PPARD: variants seen among roughly 807,000 people sequenced by gnomAD.
PPARD encodes the protein peroxisome proliferator activated receptor delta.
A neutral mutation model predicts 39.5 loss-of-function variants in PPARD; 6 were observed. The ratio of observed to expected loss-of-function variants is 0.15; its 90% confidence interval spans 0.08 to 0.30. PPARD has a LOEUF of 0.30. Among genes scored for constraint, PPARD ranks in the 10% least tolerant of loss-of-function variants. PPARD has a pLI of 1.00. For missense variants in PPARD, 397 were observed against 596.8 expected (o/e 0.67, Z 3.49); for synonymous variants, 210 against 231.3 (o/e 0.91, Z 0.83).
intron 2 of PPARD, among the ~76,000 whole-genome samples, chr6:35,386,514 C>T (rs934258594): frequency 6.7e-6 from 1 of 150,234 alleles, no homozygotes; most frequent in Non-Finnish European, 1.5e-5. Flanking sequence ...CAAACAAATA[C>T]TTGGTTCATT....
intron 1 of PPARD, among the ~76,000 whole-genome samples, chr6:35,344,451 T>G (rs1390991054): frequency 6.6e-6 from 1 of 151,944 alleles, no homozygotes; most frequent in Non-Finnish European, 1.5e-5. Flanking sequence ...ACCTTCCATG[T>G]GTGTCTGGAT....
chr6:35,364,362 C>T (rs1217601390), intron 2 of PPARD, among the ~76,000 whole-genome samples: 2 of 151,282 alleles, frequency 1.3e-5, no homozygotes, highest in African/African-American at 4.9e-5. Flanking sequence ...TTTGTGTGGA[C>T]ATATGCTTTA....
At chr6:35,397,483 G>A in intron 2 of PPARD, 1 of 961,278 alleles carries the variant, frequency 1.0e-6, no homozygotes, top group Non-Finnish European at 1.2e-6. Context: ...ATCTTGATAA[G>A]CTCCTCCTTT....
intron 2 of PPARD, among the ~76,000 whole-genome samples, chr6:35,349,390 G>T (rs1231404200): frequency 6.6e-6 from 1 of 152,084 alleles, no homozygotes; most frequent in Non-Finnish European, 1.5e-5. Context: ...CAATCTTTTG[G>T]CATCCCTGGG....
At position 35,347,168 on chromosome 6, in the gene PPARD, A is replaced by T. The variant is rs1276668344; in HGVS notation, c.-102+18A>T. On this transcript the variant is annotated intron_variant, in intron 2 of 7. Coordinates refer to ENST00000360694, the MANE Select transcript of PPARD (RefSeq NM_006238.5). ...CCAACGAGGTAATCCCATTTTCTTT[A>T]CTCAGGGGTCTCTGACCACCACTGA... 1 of 1,535,542 alleles carries T rather than the reference A, an allele frequency of 6.5e-7. No individual in the cohort carries two copies. The highest frequency in any genetic ancestry group is 8.7e-7 in the Non-Finnish European group (1 of 1,146,600).
At chr6:35,393,928 T>A (rs1314367600) in intron 2 of PPARD, among the ~76,000 whole-genome samples, 13 of 152,168 alleles carry the variant, frequency 8.5e-5, no homozygotes. Flanking sequence ...GCAGGAGAGC[T>A]TTGCTTCTTT....
chr6:35,355,360 T>C (rs901584031), intron 2 of PPARD, among the ~76,000 whole-genome samples: 7 of 151,776 alleles, frequency 4.6e-5, no homozygotes, highest in Admixed American at 3.9e-4. Flanking sequence ...AAGACCAGCC[T>C]GGGCAACATG....
At chr6:35,408,081 G>T (rs1765173128) in intron 2 of PPARD, among the ~76,000 whole-genome samples, 1 of 152,210 alleles carries the variant, frequency 6.6e-6, no homozygotes, top group Admixed American at 6.5e-5. Flanking sequence ...GGAGGCCACA[G>T]TGGCCAGGTG....
intron 2 of PPARD, among the ~76,000 whole-genome samples, chr6:35,355,168 G>A (rs1025268783): frequency 6.6e-6 from 1 of 152,100 alleles, no homozygotes; most frequent in East Asian, 1.9e-4. Context: ...TCAGGGGAGT[G>A]CGTTGCAGCA....
intron 2 of PPARD, among the ~76,000 whole-genome samples, chr6:35,385,383 C>T (rs1192840522): frequency 2.0e-5 from 3 of 148,360 alleles, no homozygotes; most frequent in Admixed American, 6.7e-5. Context: ...CAGGGTTAAA[C>T]GGATTAAGGG....
intron 2 of PPARD, among the ~76,000 whole-genome samples, chr6:35,389,132 C>T (rs928028962): frequency 1.5e-4 from 23 of 152,162 alleles, no homozygotes; most frequent in African/African-American, 5.3e-4. Flanking sequence ...GAGCTGTGAT[C>T]AGGCCACCAC....
rs1766182724 is a variant in PPARD at position 35,421,704 on chromosome 6, C to T, written c.286-116C>T. 3 of 1,173,104 alleles carry T rather than the reference C, an allele frequency of 2.6e-6. No individual in the cohort carries two copies. The South Asian group carries it at 5.8e-5, about 23-fold the overall frequency. The allele number at this position is 1,173,104 out of a possible 1,614,324, so 72.7% of individuals were successfully genotyped here. On this transcript the variant is annotated intron_variant, in intron 4 of 7. Transcript: ENST00000360694. The stretch of plus-strand genomic sequence containing the variant: ...CTCCATCTCCCCTCCAAAAAAATTT[C>T]TTCTCGTTACTTCCAAATGTCAGGA...
In PPARD at chr6:35,366,849, C is replaced by T. The variant is rs1762232177; in HGVS notation, c.-102+19699C>T. On this transcript the variant is annotated intron_variant, in intron 2 of 7. Transcript: ENST00000360694. This position sits in a 1 kb window ranked among gnomAD's most constrained non-coding sequence, Gnocchi z 4.6. ...ATGGGCGTGAGCCGCTGCATCCGGCCTCTGTATTAAATACTTTAGCTGCAT... is the reference window on the plus strand; with the variant it reads ...ATGGGCGTGAGCCGCTGCATCCGGCTTCTGTATTAAATACTTTAGCTGCAT... Among the ~76,000 whole-genome samples, 1 of 152,216 alleles carries T rather than the reference C, an allele frequency of 6.6e-6. No individual in the cohort carries two copies. The highest frequency in any genetic ancestry group is 1.5e-5 in the Non-Finnish European group (1 of 68,050).
chr6:35,411,127 G>A lies in PPARD; in HGVS notation c.40G>A (p.Glu14Lys), dbSNP rs753619039. ...PQEEAPEVRE[E>K]EEKEEVAEAE... ...GGAGGAAGCCCCTGAGGTCCGGGAA[G>A]AGGAGGAGAAAGAGGAAGTGGCAGA... Residue 14 changes from glutamate to lysine, a missense_variant, in exon 3 of 8, where the codon GAG becomes AAG. Glu to Lys is a moderately conservative substitution (Grantham distance 56). Transcript: ENST00000360694. The A allele has an allele frequency of 4.4e-6, 7 of 1,587,816 alleles. No homozygotes were observed. Among genetic ancestry groups the A allele is most frequent in the Non-Finnish European group, 5.1e-6 (6 of 1,166,154 alleles).
rs200779718 is a variant in PPARD, at chr6:35,424,473, C to T, written c.772C>T (p.Arg258Trp). The T allele has an allele frequency of 2.3e-5, 37 of 1,614,194 alleles. No individual in the cohort carries two copies. In the South Asian group the frequency reaches 3.3e-4, roughly 14 times the overall value. The change falls in exon 7 of 8, where the codon CGG becomes TGG. Residue 258 changes from arginine (R) to tryptophan (W), a missense_variant. Coordinates refer to ENST00000360694, the MANE Select transcript of PPARD (RefSeq NM_006238.5). The surrounding 1 kb of genome is among the most constrained non-coding windows in gnomAD (Gnocchi z 7.1). ...CCAGTGCACCACAGTGGAGACCGTG[C>T]GGGAGCTCACTGAGTTCGCCAAGAG... Reference protein sequence around the residue: ...RCQCTTVETVRELTEFAKSIP... With the variant: ...RCQCTTVETVWELTEFAKSIP...
At chr6:35,389,920 C>G (rs144000604) in intron 2 of PPARD, among the ~76,000 whole-genome samples, 1 of 152,178 alleles carries the variant, frequency 6.6e-6, no homozygotes, top group South Asian at 2.1e-4. Context: ...CTTTGCCCCT[C>G]TCCACTCTTA....
At position 35,401,350 on chromosome 6, in the gene PPARD, T is replaced by TCTTCAGTCTGTTATCAC. The variant is rs1181525244; in HGVS notation, c.-101-9624_-101-9608dup. 6.6e-5 allele frequency among the ~76,000 whole-genome samples: 10 copies of TCTTCAGTCTGTTATCAC among 152,208 alleles called. No individual in the cohort carries two copies. Among genetic ancestry groups the TCTTCAGTCTGTTATCAC allele is most frequent in the Non-Finnish European group, 1.0e-4 (7 of 68,028 alleles). On this transcript the variant is annotated intron_variant, in intron 2 of 7. Transcript: ENST00000360694. The surrounding 1 kb of genome is among the most constrained non-coding windows in gnomAD (Gnocchi z 4.1). ...GCTCCTCCGAGCCTGGCTGAAATCATCTTCAGTCTGTTATCACCTTCAGTC... is the reference window on the plus strand; with the variant it reads ...GCTCCTCCGAGCCTGGCTGAAATCATCTTCAGTCTGTTATCACCTTCAGTCTGTTATCACCTTCAGTC...
intron 2 of PPARD, among the ~76,000 whole-genome samples, chr6:35,377,466 T>G (rs1279993701): frequency 6.6e-6 from 1 of 152,242 alleles, no homozygotes; most frequent in Non-Finnish European, 1.5e-5. Context: ...AACTTAGCTC[T>G]TAAATTTTAC....
chr6:35,418,991 A>C (rs1280415319), intron 3 of PPARD, among the ~76,000 whole-genome samples: 1 of 152,152 alleles, frequency 6.6e-6, no homozygotes, highest in East Asian at 1.9e-4. Flanking sequence ...TAGCAGGTGG[A>C]TAGGTACTCC....
Sources: allele counts gnomAD v4.1 joint callset (sites outside exome capture counted in the v4.1 genomes callset), GRCh38; gene constraint gnomAD v4.1.1; non-coding constraint Gnocchi (gnomAD v3.1); transcripts MANE v1.5; gene names NCBI Gene and HGNC (gene_info 2026-07-23, HGNC 2026-07-21).